Variants in PEX5 observed in about 807,000 individuals in gnomAD.
PEX5 encodes peroxisomal biogenesis factor 5.
PEX5 carries 52 observed loss-of-function variants against 82.9 expected under a neutral mutation model. The ratio of observed to expected loss-of-function variants is 0.63; its 90% CI spans 0.50 to 0.79. The LOEUF (loss-of-function observed/expected upper bound fraction) is 0.79, where lower values mean the gene tolerates loss of function less well. Among genes scored for constraint, PEX5 ranks in the 30% least tolerant of loss-of-function variants. The pLI is 0.00. For synonymous variants in PEX5, 300 were observed against 318.8 expected (o/e 0.94, Z 0.63); for missense variants, 719 against 815.2 (o/e 0.88, Z 1.44).
intron 5 of PEX5, among the ~76,000 whole-genome samples, chr12:7,197,228 G>T: frequency 4.1e-5 from 2 of 48,990 alleles, no homozygotes; most frequent in Non-Finnish European, 9.1e-5. Flanking sequence ...AATTATATAT[G>T]TCATATGTAA....
chr12:7,215,975 AT>A (rs965536122), downstream of PEX5, among the ~76,000 whole-genome samples: 30 of 150,442 alleles, frequency 2.0e-4, no homozygotes, highest in East Asian at 5.8e-4. Context: ...TTAAAAAAAA[AT>A]TTTTTTTTGA....
chr12:7,217,961 A>T (rs1945825615), intron 17 of PEX5, among the ~76,000 whole-genome samples: 1 of 152,164 alleles, frequency 6.6e-6, no homozygotes, highest in Non-Finnish European at 1.5e-5. Context: ...GTGCAGTTTC[A>T]GTTCCATGCA....
intron 9 of PEX5, 57 bp from the exon 10 acceptor site, chr12:7,203,375 T>TG: frequency 6.4e-7 from 1 of 1,560,772 alleles, no homozygotes; most frequent in South Asian, 1.2e-5. Flanking sequence ...GAGCTGAGTG[T>TG]GGGGTGGGGT....
In PEX5 at chr12:7,202,634, A is replaced by G. The variant is rs772723100; in HGVS notation, c.776A>G (p.Asp259Gly). The change falls in exon 9 of 16, where the codon GAC becomes GGC. Residue 259 changes from aspartate to glycine, a missense_variant. Physicochemically the swap from Asp to Gly is moderately conservative, Grantham distance 94 (BLOSUM62 -1). Transcript: ENST00000675855. ...CAGGGTACATCAGATGCCTGGGTTG[A>G]CCAGTTCACAAGACCAGTAAACACA... is the stretch of plus-strand genomic sequence containing the variant. ...QQQGTSDAWV[D>G]QFTRPVNTSA... The G allele has an allele frequency of 1.2e-6, 2 of 1,613,990 alleles. No individual in the cohort carries two copies. The highest frequency in any genetic ancestry group is 4.5e-5 in the East Asian group (2 of 44,902).
Position 7,207,508 on chromosome 12 carries a change from T to C in PEX5, c.967-151T>C. 9.1e-6 allele frequency: 7 copies of C among 769,058 alleles called. No homozygotes were observed. The South Asian group carries it at 1.0e-4, about 11-fold the overall frequency. 47.6% of individuals were successfully genotyped at this position (769,058 alleles called of 1,614,324 possible). ...CAAATGATTTTACTTGTGTCATACA[T>C]GATCTTTATAATATGGAGAATTTGC... On this transcript the variant is annotated intron_variant, in intron 10 of 15. Coordinates refer to ENST00000675855, the MANE Select transcript of PEX5 (RefSeq NM_001351132.2).
chr12:7,205,473 A>T (rs1315202268), intron 10 of PEX5, among the ~76,000 whole-genome samples: 2 of 152,238 alleles, frequency 1.3e-5, no homozygotes, highest in Non-Finnish European at 2.9e-5. Flanking sequence ...GCTCAGGCAG[A>T]TATTAATATA....
In PEX5 at chr12:7,209,065, C is replaced by T. The variant is rs1205890052; in HGVS notation, c.1455C>T (p.Ser485=). 2 of 1,614,102 alleles carry T rather than the reference C, an allele frequency of 1.2e-6. No individual in the cohort carries two copies. Among genetic ancestry groups the T allele is most frequent in the Non-Finnish European group, 1.7e-6 (2 of 1,179,964 alleles). The part of the protein sequence containing the change: ...FLAAVRLDPT[S]IDPDVQCGLG... ...CAGCTGTGCGGCTGGACCCTACCTC[C>T]ATTGACCCTGATGTGCAGTGTGGCT... Residue 485 remains serine, a synonymous_variant, in exon 14 of 16, where the codon TCC becomes TCT. Coordinates refer to ENST00000675855, the MANE Select transcript of PEX5 (RefSeq NM_001351132.2).
chr12:7,196,435 T>C (rs868306704), intron 5 of PEX5, among the ~76,000 whole-genome samples: 15 of 139,252 alleles, frequency 1.1e-4, no homozygotes, highest in African/African-American at 3.3e-4. Context: ...ATATGTGCCA[T>C]ATATAATGTA....
At chr12:7,204,182 T>G (rs778123119) in intron 10 of PEX5, among the ~76,000 whole-genome samples, 1 of 152,170 alleles carries the variant, frequency 6.6e-6, no homozygotes. Context: ...TGTAGGATAT[T>G]TGGGGATGTG....
intron 10 of PEX5, 93 bp from the exon 11 acceptor site, chr12:7,207,566 C>T: frequency 7.6e-7 from 1 of 1,314,744 alleles, no homozygotes; most frequent in East Asian, 2.3e-5. Context: ...TTTGGAGGCC[C>T]TCAGCTTCTC....
intron 5 of PEX5, among the ~76,000 whole-genome samples, chr12:7,192,161 TAAC>T (rs1941260195): frequency 2.6e-5 from 4 of 152,244 alleles, no homozygotes; most frequent in Admixed American, 2.6e-4. Context: ...TAAAAATTAA[TAAC>T]AATAGTTACG....
At position 7,197,000 on chromosome 12, in the gene PEX5, T is replaced by C. The variant is rs1342104515; in HGVS notation, c.449-2011T>C. ...ATTATATATGTCACATATAATGTAA[T>C]AATTATATATGTCACATATAATGTA... On this transcript the variant is annotated intron_variant, in intron 5 of 15. Transcript: ENST00000675855. Among the ~76,000 whole-genome samples, 2 of 15,730 alleles carry C rather than the reference T, an allele frequency of 1.3e-4. 1 individual carries two copies. The highest frequency in any genetic ancestry group is 3.2e-4 in the African/African-American group (2 of 6,238). 10.3% of individuals were successfully genotyped at this position (15,730 alleles called of 152,430 possible). A position where few individuals can be genotyped will look rare whatever the true frequency, so the allele number is the denominator to read the frequency against.
rs1945468911 is a variant in PEX5 at position 7,210,730 on chromosome 12, G to A, written c.*507G>A. 8.3e-6 allele frequency: 2 copies of A among 240,376 alleles called. No homozygotes were observed. Among genetic ancestry groups the A allele is most frequent in the South Asian group, 1.2e-4 (2 of 17,292 alleles). 14.9% of individuals were successfully genotyped at this position (240,376 alleles called of 1,614,324 possible). ...GTTGGGTTGAATTGTTGATTTGGCT[G>A]AGCAGAGCTGAGTTTTGGTAGGAGT... On this transcript the variant is annotated 3_prime_UTR_variant, in exon 16 of 16. Coordinates refer to ENST00000675855, the MANE Select transcript of PEX5 (RefSeq NM_001351132.2).
chr12:7,197,216 G>GTAATTATATGTCATATATAATGTAA (rs1942693209), intron 5 of PEX5, among the ~76,000 whole-genome samples: 1 of 15,584 alleles, frequency 6.4e-5, no homozygotes, highest in Non-Finnish European at 1.7e-4. Context: ...CATATATAAT[G>GTAATTATATGTCATATATAATGTAA]TAATTATATA....
rs745483776 is a variant in PEX5, at chr12:7,217,691, C to T, written c.*20-711C>T. On this transcript the variant is annotated intron_variant, in intron 17 of 17. Coordinates refer to the PEX5 transcript ENST00000455147. The stretch of plus-strand genomic sequence containing the variant: ...GCATCAGGGCAGGCATAACTGGGGC[C>T]GCCTGTCCCTGTGGAGAATGACCCT... Among the ~76,000 whole-genome samples the T allele has an allele frequency of 5.9e-5, 9 of 152,352 alleles. No homozygotes were observed. In the South Asian group the frequency reaches 6.2e-4, roughly 11 times the overall value.
chr12:7,197,486 A>ATG (rs1565689404), intron 5 of PEX5, among the ~76,000 whole-genome samples: 1 of 139,894 alleles, frequency 7.1e-6, no homozygotes, highest in Non-Finnish European at 1.5e-5. Flanking sequence ...ATATAATATA[A>ATG]TAATTATATA....
intron 14 of PEX5, among the ~76,000 whole-genome samples, chr12:7,209,392 T>G (rs995691508): frequency 1.3e-5 from 2 of 151,792 alleles, no homozygotes; most frequent in African/African-American, 4.8e-5. Context: ...ACTTTTGGAG[T>G]CTTGGGGTAT....
chr12:7,209,225 C>T lies in PEX5; in HGVS notation c.1560+55C>T, dbSNP rs1945217662. 26 of 1,573,138 alleles carry T rather than the reference C, an allele frequency of 1.7e-5. 1 individual carries two copies. The South Asian group carries it at 2.8e-4, about 17-fold the overall frequency. On this transcript the variant is annotated intron_variant, in intron 14 of 15. Coordinates refer to ENST00000675855, the MANE Select transcript of PEX5 (RefSeq NM_001351132.2). Reference sequence around the variant, plus strand: ...CATGACTGTGTACCTTATTGAAGAGCCATTTGTTGGGAAGCTGGGTTTGAT... The same window carrying T: ...CATGACTGTGTACCTTATTGAAGAGTCATTTGTTGGGAAGCTGGGTTTGAT...
chr12:7,189,780 G>C (rs762814032), intron 1 of PEX5, 30 bp downstream of exon 1: 3 of 150,302 alleles, frequency 2.0e-5, no homozygotes, highest in Non-Finnish European at 3.8e-5. Flanking sequence ...GGGGCCCGGG[G>C]CCGCGTCCCT....
Sources: gnomAD v4.1 joint callset for allele counts (sites outside exome capture counted in the v4.1 genomes callset) on GRCh38, gnomAD v4.1.1 for gene constraint, MANE v1.5 for transcripts, NCBI Gene and HGNC (gene_info 2026-07-23, HGNC 2026-07-21) for gene names.